Variants in CABCOCO1 observed in about 807,000 individuals in gnomAD.
CABCOCO1 encodes the protein ciliary associated calcium binding coiled-coil 1, also known as ciliary-associated calcium-binding coiled-coil protein 1.
In CABCOCO1, 28 loss-of-function variants were observed where a neutral mutation model predicts 35.7. The observed-to-expected ratio is 0.78, with a 90% CI of 0.58 to 1.07. The LOEUF (loss-of-function observed/expected upper bound fraction) is 1.07. Ranked by LOEUF, CABCOCO1 falls within the 50% of genes least tolerant of loss-of-function variation. The pLI is 0.00. For synonymous variants in CABCOCO1, 95 were observed against 100.1 expected (o/e 0.95, Z 0.30); for missense variants, 326 against 309.2 (o/e 1.05, Z -0.41).
chr10:61,664,065 A>G (rs1456984807), intron 1 of CABCOCO1, among the ~76,000 whole-genome samples: 1 of 152,216 alleles, frequency 6.6e-6, no homozygotes, highest in Non-Finnish European at 1.5e-5. Context: ...GCTCAGAGAT[A>G]TATAAGCTGT....
chr10:61,675,105 A>C (rs1839471251), intron 2 of CABCOCO1, among the ~76,000 whole-genome samples: 1 of 152,190 alleles, frequency 6.6e-6, no homozygotes, highest in Non-Finnish European at 1.5e-5. Flanking sequence ...TTGGTGAGAC[A>C]AAATAGATAG....
Position 61,760,071 on chromosome 10 carries a change from G to A in CABCOCO1, c.565G>A (p.Val189Ile), listed in dbSNP as rs763544681. The change falls in exon 6 of 8, where the codon GTT (valine) becomes ATT (isoleucine). Residue 189 changes from valine (V) to isoleucine (I), a missense_variant. By Grantham distance (29) the Val-to-Ile change is conservative. Transcript: ENST00000648843. ...TTCTTCCCATCAGCAAGTGATAGAG[G>A]TTGTCAAGTCTGCATGTGGCCCTTT... ...IVIGTEQVIE[V>I]VKSACGPFPN... 4.3e-6 allele frequency: 7 copies of A among 1,612,776 alleles called. No individual in the cohort carries two copies. In the South Asian group the frequency reaches 4.4e-5, roughly 10 times the overall value.
At chr10:61,749,262 C>T (rs1020869326) in intron 5 of CABCOCO1, among the ~76,000 whole-genome samples, 9 of 152,202 alleles carry the variant, frequency 5.9e-5, no homozygotes, top group Admixed American at 1.3e-4. Context: ...TTTGGTCACA[C>T]GACCATCCTC....
chr10:61,670,868 C>T (rs1389281251), intron 1 of CABCOCO1, among the ~76,000 whole-genome samples: 1 of 152,220 alleles, frequency 6.6e-6, no homozygotes, highest in Non-Finnish European at 1.5e-5. Context: ...GACTCCTAAA[C>T]CAACGTCTGT....
intron 2 of CABCOCO1, among the ~76,000 whole-genome samples, chr10:61,679,794 A>C (rs1406627578): frequency 6.6e-6 from 1 of 152,204 alleles, no homozygotes; most frequent in Non-Finnish European, 1.5e-5. Flanking sequence ...GAAGACAAAA[A>C]ATATAATCAA....
At chr10:61,748,047 A>G (rs964862169) in intron 5 of CABCOCO1, among the ~76,000 whole-genome samples, 11 of 152,144 alleles carry the variant, frequency 7.2e-5, no homozygotes, top group African/African-American at 2.7e-4. Flanking sequence ...TTTTTGGAAG[A>G]CCATTAGCAT....
At chr10:61,694,029 A>G (rs1840228177) in intron 5 of CABCOCO1, among the ~76,000 whole-genome samples, 2 of 151,996 alleles carry the variant, frequency 1.3e-5, no homozygotes. Context: ...TATTGGCCAC[A>G]TAGTTGATGA....
At chr10:61,714,812 T>C (rs1175907083) in intron 5 of CABCOCO1, among the ~76,000 whole-genome samples, 1 of 152,232 alleles carries the variant, frequency 6.6e-6, no homozygotes, top group Non-Finnish European at 1.5e-5. Context: ...TTCCATGTAG[T>C]TGTGCACTTT....
At chr10:61,757,161 G>A (rs576079641) in intron 5 of CABCOCO1, among the ~76,000 whole-genome samples, 19 of 150,848 alleles carry the variant, frequency 1.3e-4, no homozygotes, top group South Asian at 8.4e-4. Context: ...TGCATCAGAC[G>A]GTTTCATTTA....
At chr10:61,694,179 T>C (rs957122333) in intron 5 of CABCOCO1, among the ~76,000 whole-genome samples, 3 of 150,640 alleles carry the variant, frequency 2.0e-5, no homozygotes, top group South Asian at 2.1e-4. Context: ...AATCTCCATA[T>C]AAGAGAAAGA....
chr10:61,687,538 G>A (rs1260139759), intron 4 of CABCOCO1, among the ~76,000 whole-genome samples: 1 of 152,148 alleles, frequency 6.6e-6, no homozygotes. Flanking sequence ...TAGTTGACAA[G>A]GGCCACAAAA....
At chr10:61,677,903 T>C (rs948937873) in intron 2 of CABCOCO1, among the ~76,000 whole-genome samples, 1 of 151,000 alleles carries the variant, frequency 6.6e-6, no homozygotes, top group Non-Finnish European at 1.5e-5. Flanking sequence ...TTTCGTCTGT[T>C]TAACAAGGAC....
chr10:61,733,223 T>C (rs1841344334), intron 5 of CABCOCO1, among the ~76,000 whole-genome samples: 1 of 152,054 alleles, frequency 6.6e-6, no homozygotes, highest in African/African-American at 2.4e-5. Context: ...ATTTCTGTTA[T>C]TTTAAAGCAT....
chr10:61,667,195 A>G (rs1226839837), intron 1 of CABCOCO1, among the ~76,000 whole-genome samples: 1 of 146,294 alleles, frequency 6.8e-6, no homozygotes, highest in Non-Finnish European at 1.5e-5. Context: ...ATATATAAAT[A>G]TAATTATAAA....
chr10:61,679,335 A>ATATCTATATC (rs1554821378), intron 2 of CABCOCO1, among the ~76,000 whole-genome samples: 6 of 134,352 alleles, frequency 4.5e-5, no homozygotes, highest in African/African-American at 1.7e-4. Flanking sequence ...ATATCTATCT[A>ATATCTATATC]TATCTATCTA....
intron 5 of CABCOCO1, among the ~76,000 whole-genome samples, chr10:61,744,992 G>T (rs1319005118): frequency 6.6e-6 from 1 of 152,118 alleles, no homozygotes; most frequent in East Asian, 1.9e-4. Context: ...TGAAAGGATA[G>T]CAGCATTTCA....
At chr10:61,685,887 G>A (rs4072625) in intron 3 of CABCOCO1, among the ~76,000 whole-genome samples, 154 bp from the exon 4 acceptor site, 35,348 of 152,118 alleles carry the variant, frequency 0.23, 4,313 homozygotes, top group African/African-American at 0.3. Context: ...TGCATAAAAC[G>A]TATTAATTTA....
chr10:61,708,990 C>T lies in CABCOCO1; in HGVS notation c.552+18369C>T, dbSNP rs1376863372. ...TACACTGTTCATTTCTTTAAAAAAC[C>T]TCCCAAATATCAGATTACTGCCCAT... is the stretch of plus-strand genomic sequence containing the variant. On this transcript the variant is annotated intron_variant, in intron 5 of 7. Transcript: ENST00000648843. Among the ~76,000 whole-genome samples, 3 of 152,208 alleles carry T rather than the reference C, an allele frequency of 2.0e-5. No individual in the cohort carries two copies. The East Asian group carries it at 5.8e-4, about 29-fold the overall frequency.
intron 1 of CABCOCO1, among the ~76,000 whole-genome samples, chr10:61,669,860 T>C (rs1226486271): frequency 6.6e-6 from 1 of 152,168 alleles, no homozygotes; most frequent in East Asian, 1.9e-4. Context: ...TTTTCATGTA[T>C]ATATTTATTC....
Sources: allele counts gnomAD v4.1 joint callset (sites outside exome capture counted in the v4.1 genomes callset), GRCh38; gene constraint gnomAD v4.1.1; transcripts MANE v1.5; gene names NCBI Gene and HGNC (gene_info 2026-07-23, HGNC 2026-07-21).